DENND2B: variants seen among roughly 807,000 people sequenced by gnomAD.
DENND2B encodes the protein DENN domain-containing protein 2B.
Under a neutral mutation model 116.0 loss-of-function variants are expected in DENND2B, and 32 were observed. The observed-to-expected ratio is 0.28, with a 90% CI of 0.21 to 0.37. The LOEUF is 0.37. Among genes scored for constraint, DENND2B ranks in the 10% least tolerant of loss-of-function variants. The pLI is 1.00. For missense variants in DENND2B, 1,276 were observed against 1,477.7 expected (o/e 0.86, Z 2.24); for synonymous variants, 588 against 583.9 (o/e 1.01, Z -0.10).
upstream of DENND2B, among the ~76,000 whole-genome samples, chr11:8,874,803 T>C (rs574202940): frequency 6.6e-6 from 1 of 152,072 alleles, no homozygotes; most frequent in Non-Finnish European, 1.5e-5. Flanking sequence ...TGTACACCTC[T>C]AGTCCCAGCT....
intron 4 of DENND2B, among the ~76,000 whole-genome samples, chr11:8,821,423 C>A (rs74502275): frequency 0.1 from 8,856 of 88,694 alleles, 363 homozygotes; most frequent in Non-Finnish European, 0.17. Flanking sequence ...CTTGTCTCTA[C>A]CAAAAATAAA....
rs1190646021 is a variant in DENND2B at position 8,694,062 on chromosome 11, G to A, written c.*34C>T. ...GCCTTCTCCCCAGGCTTCAGGCTCT[G>A]CAAGGCACTGGACTCTGCTACTGAG... On this transcript the variant is annotated 3_prime_UTR_variant, in exon 20 of 20. Transcript: ENST00000313726. The A allele has an allele frequency of 2.5e-6, 4 of 1,613,456 alleles. No homozygotes were observed. Among genetic ancestry groups the A allele is most frequent in the Non-Finnish European group, 3.4e-6 (4 of 1,179,688 alleles).
At chr11:8,847,437 T>C (rs1175627404) in intron 3 of DENND2B, among the ~76,000 whole-genome samples, 1 of 152,216 alleles carries the variant, frequency 6.6e-6, no homozygotes, top group Non-Finnish European at 1.5e-5. Flanking sequence ...CAATAGTATA[T>C]TTAAAAGAAT....
intron 1 of DENND2B, among the ~76,000 whole-genome samples, chr11:8,793,047 G>A (rs1246404925): frequency 6.6e-6 from 1 of 152,164 alleles, no homozygotes; most frequent in Non-Finnish European, 1.5e-5. Flanking sequence ...CCGTCAAAAG[G>A]GGCTTGGTTA....
chr11:8,771,566 A>AGAGGGC (rs146752028), intron 1 of DENND2B: 2 of 120,310 alleles, frequency 1.7e-5, no homozygotes, highest in Non-Finnish European at 3.6e-5. Context: ...AGAGAGAGAG[A>AGAGGGC]GCCTTCTTCC....
chr11:8,786,724 C>G (rs1419996950), intron 1 of DENND2B, among the ~76,000 whole-genome samples: 1 of 152,162 alleles, frequency 6.6e-6, no homozygotes, highest in Non-Finnish European at 1.5e-5. Flanking sequence ...GCGGAAGGAT[C>G]ACTTGAGCCC....
chr11:8,745,063 T>C (rs2050992379), intron 2 of DENND2B, among the ~76,000 whole-genome samples: 1 of 152,002 alleles, frequency 6.6e-6, no homozygotes, highest in Non-Finnish European at 1.5e-5. Context: ...GCTACAGGCA[T>C]GCACCACCAC....
intron 1 of DENND2B, among the ~76,000 whole-genome samples, chr11:8,781,881 ATAT>A (rs2058409394): frequency 6.6e-6 from 1 of 152,252 alleles, no homozygotes; most frequent in Admixed American, 6.5e-5. Flanking sequence ...AAGTGATGAG[ATAT>A]TATATCATAC....
chr11:8,809,863 C>T (rs1254317823), intron 1 of DENND2B: 4 of 151,704 alleles, frequency 2.6e-5, no homozygotes, highest in Non-Finnish European at 5.9e-5. Context: ...CCCCCTCCTC[C>T]ACCTCTTAGG....
At chr11:8,838,388 C>T (rs2062508838) in intron 4 of DENND2B, among the ~76,000 whole-genome samples, 1 of 152,228 alleles carries the variant, frequency 6.6e-6, no homozygotes, top group Non-Finnish European at 1.5e-5. Flanking sequence ...ATCCAATTCT[C>T]CGAACTCACG....
At position 8,801,676 on chromosome 11, in the gene DENND2B, C is replaced by CAA. The variant is rs72118090; in HGVS notation, c.-26+8839_-26+8840dup. On this transcript the variant is annotated intron_variant, in intron 1 of 19. Coordinates refer to ENST00000313726, the MANE Select transcript of DENND2B (RefSeq NM_213618.2). ...TAGGTGACAGGGCAAGACTTTGTCT[C>CAA]AAAAAAAAAAAAAAAAGAAAGAAAG... is the stretch of plus-strand genomic sequence containing the variant. 9.3e-4 allele frequency among the ~76,000 whole-genome samples: 115 copies of CAA among 123,874 alleles called. 1 individual carries two copies. The highest frequency in any genetic ancestry group is 1.1e-3 in the South Asian group (4 of 3,550). 81.3% of individuals were successfully genotyped at this position (123,874 alleles called of 152,430 possible).
At chr11:8,716,985 G>C (rs871676) in intron 5 of DENND2B, among the ~76,000 whole-genome samples, 102,078 of 152,096 alleles carry the variant, frequency 0.67, 34,407 homozygotes, top group East Asian at 0.76. Flanking sequence ...TATTCCAAAG[G>C]CAGAAGAAAT....
upstream of DENND2B, chr11:8,871,399 T>A (rs1356608908): frequency 6.6e-6 from 1 of 152,186 alleles, no homozygotes; most frequent in Non-Finnish European, 1.5e-5. Flanking sequence ...TGAAACTTTA[T>A]GTCATTTTCT....
chr11:8,727,109 T>C (rs2047204447), intron 3 of DENND2B, among the ~76,000 whole-genome samples: 1 of 152,124 alleles, frequency 6.6e-6, no homozygotes, highest in Non-Finnish European at 1.5e-5. Flanking sequence ...AGACCCCAAC[T>C]GTACCCTCTC....
chr11:8,724,698 C>T (rs905241675), intron 4 of DENND2B, among the ~76,000 whole-genome samples: 8 of 152,222 alleles, frequency 5.3e-5, no homozygotes, highest in African/African-American at 1.9e-4. Context: ...TTCTGCCCTT[C>T]TTCTGAACAA....
At chr11:8,873,968 T>C (rs898456500), upstream of DENND2B, among the ~76,000 whole-genome samples, 5 of 152,140 alleles carry the variant, frequency 3.3e-5, no homozygotes, top group African/African-American at 1.2e-4. Context: ...CTGCTGAAAA[T>C]AGGAAGCGCT....
chr11:8,756,982 T>A, intron 1 of DENND2B: 1 of 454,876 alleles, frequency 2.2e-6, no homozygotes, highest in Non-Finnish European at 4.4e-6. Context: ...AAAACACAGC[T>A]CTGACAAATT....
chr11:8,775,016 G>A (rs954040846), intron 1 of DENND2B, among the ~76,000 whole-genome samples: 1 of 151,936 alleles, frequency 6.6e-6, no homozygotes, highest in African/African-American at 2.4e-5. Context: ...GAGTAGCCGG[G>A]ATTACAGGGG....
chr11:8,850,016 T>C (rs1310159927), intron 3 of DENND2B, among the ~76,000 whole-genome samples: 2 of 151,796 alleles, frequency 1.3e-5, no homozygotes, highest in Non-Finnish European at 2.9e-5. Flanking sequence ...ATGCCCATAA[T>C]CCCAGCTACT....
Sources: allele counts gnomAD v4.1 joint callset (sites outside exome capture counted in the v4.1 genomes callset), GRCh38; gene constraint gnomAD v4.1.1; transcripts MANE v1.5; gene names NCBI Gene and HGNC (gene_info 2026-07-23, HGNC 2026-07-21).